The following TXN2 variants were observed in gnomAD, a reference collection of about 807,000 sequenced individuals.
TXN2 encodes the protein thioredoxin, mitochondrial.
TXN2 carries 12 observed loss-of-function variants against 14.6 expected under a neutral mutation model. That is an observed-to-expected ratio of 0.82 (90% confidence interval 0.53 to 1.33). The LOEUF (loss-of-function observed/expected upper bound fraction) is 1.33, where lower values mean the gene tolerates loss of function less well. Among genes scored for constraint, TXN2 ranks in the 40% most tolerant of loss-of-function variants. The pLI, the probability that TXN2 is intolerant of heterozygous loss-of-function variation, is 0.00. For synonymous variants in TXN2, 89 were observed against 81.0 expected, an observed-to-expected ratio of 1.10 and a Z score of -0.53; for missense variants, 173 against 207.7, an observed-to-expected ratio of 0.83 and a Z score of 1.03.
intron 3 of TXN2, among the ~76,000 whole-genome samples, chr22:36,473,380 T>C (rs1038500945): frequency 5.9e-5 from 9 of 151,890 alleles, no homozygotes; most frequent in Admixed American, 3.9e-4. Flanking sequence ...GAAGCGGAGG[T>C]TGCAGTGAAC....
intron 3 of TXN2, among the ~76,000 whole-genome samples, chr22:36,472,000 A>C (rs1933288738): frequency 6.6e-6 from 1 of 151,138 alleles, no homozygotes; most frequent in African/African-American, 2.4e-5. Context: ...CTGGGATCTG[A>C]AACAAGATCT....
intron 3 of TXN2, 99 bp from the exon 4 acceptor site, chr22:36,468,016 G>C (rs73169632): frequency 2.0e-6 from 2 of 1,020,256 alleles, no homozygotes; most frequent in Non-Finnish European, 3.0e-6. Context: ...GCTTATCCAG[G>C]GCACTGACTT....
chr22:36,479,286 G>A (rs1933449158), intron 2 of TXN2, among the ~76,000 whole-genome samples: 1 of 151,842 alleles, frequency 6.6e-6, no homozygotes, highest in Non-Finnish European at 1.5e-5. Context: ...GAAAGCCAGC[G>A]AAACAATCTG....
rs150850412 is a variant in TXN2 at position 36,476,771 on chromosome 22, C to A, written c.349G>T (p.Asp117Tyr). The A allele has an allele frequency of 6.2e-7, 1 of 1,614,186 alleles. No homozygotes were observed. ...QHGKVVMAKVDIDDHTDLAIE... is the reference protein window; with the variant it reads ...QHGKVVMAKVYIDDHTDLAIE... ...GCGAGGTCTGTGTGGTCATCAATAT[C>A]CACCTTGGCCATCACCACCTTCCCG... Residue 117 changes from aspartate to tyrosine, a missense_variant, in exon 3 of 4, where the codon GAT becomes TAT. Coordinates refer to ENST00000216185, the MANE Select transcript of TXN2 (RefSeq NM_012473.4).
rs1250102603 is a variant in TXN2, at chr22:36,467,306, G to A, written c.*498C>T. 1 of 158,952 alleles carries A rather than the reference G, an allele frequency of 6.3e-6. No homozygotes were observed. Among genetic ancestry groups the A allele is most frequent in the Non-Finnish European group, 1.4e-5 (1 of 71,922 alleles). The allele number at this position is 158,952 out of a possible 1,614,324, so 9.8% of individuals were successfully genotyped here. The stretch of plus-strand genomic sequence containing the variant: ...CTTCACAGTAGGAGGTGGAAGGGAT[G>A]ACTAAGTTCTTTATCACAGACCTAC... On this transcript the variant is annotated 3_prime_UTR_variant, in exon 4 of 4. Transcript: ENST00000216185.
chr22:36,467,449 T>G lies in TXN2; in HGVS notation c.*355A>C. On this transcript the variant is annotated 3_prime_UTR_variant, in exon 4 of 4. Transcript: ENST00000216185. ...GTGGCAGACGAGCCAGGCACGAGGT[T>G]TCAGATTGGAAGGGACCAAGATGAG... The G allele has an allele frequency of 9.2e-6, 2 of 218,294 alleles. No individual in the cohort carries two copies. Among genetic ancestry groups the G allele is most frequent in the Admixed American group, 5.2e-5 (1 of 19,074 alleles). 13.5% of individuals were successfully genotyped at this position (218,294 alleles called of 1,614,324 possible). A position where few individuals can be genotyped will look rare whatever the true frequency, so the allele number is the denominator to read the frequency against.
intron 3 of TXN2, among the ~76,000 whole-genome samples, chr22:36,475,492 C>A (rs1933367825): frequency 6.6e-6 from 1 of 152,200 alleles, no homozygotes; most frequent in Non-Finnish European, 1.5e-5. Context: ...AGTTCACAGG[C>A]CCAATACAGC....
Position 36,468,729 on chromosome 22 carries a change from A to T in TXN2, c.388-812T>A, listed in dbSNP as rs1293393316. The T allele has an allele frequency of 6.8e-6, 3 of 440,122 alleles. No homozygotes were observed. The Admixed American group carries it at 7.4e-5, about 11-fold the overall frequency. 27.3% of individuals were successfully genotyped at this position (440,122 alleles called of 1,614,324 possible). On this transcript the variant is annotated intron_variant, in intron 3 of 3. Transcript: ENST00000216185. ...GACAGAGACCCTGCCTCAAAAAAAA[A>T]GAGAAAGATTTGAGTATAAAGCAGA...
At chr22:36,471,663 AC>A (rs1180363304) in intron 3 of TXN2, among the ~76,000 whole-genome samples, 3 of 152,148 alleles carry the variant, frequency 2.0e-5, no homozygotes, top group Non-Finnish European at 4.4e-5. Context: ...AGGGTGAGCA[AC>A]TGTTCCAAAA....
chr22:36,467,975 C>T, intron 3 of TXN2, 58 bp from the exon 4 acceptor site: 3 of 1,447,434 alleles, frequency 2.1e-6, no homozygotes, highest in South Asian at 2.3e-5. Context: ...TCTCAACTGC[C>T]ACTCCTGAGC....
intron 3 of TXN2, among the ~76,000 whole-genome samples, chr22:36,475,162 G>A (rs951294084): frequency 1.3e-5 from 2 of 152,210 alleles, no homozygotes; most frequent in African/African-American, 2.4e-5. Context: ...TGGGTCACCC[G>A]AGGTCAGGAG....
intron 3 of TXN2, among the ~76,000 whole-genome samples, 192 bp downstream of exon 3, chr22:36,476,541 G>A (rs1029896724): frequency 6.6e-6 from 1 of 151,930 alleles, no homozygotes; most frequent in Admixed American, 6.6e-5. Context: ...GCAATGAGCC[G>A]AGATCATGCC....
intron 2 of TXN2, among the ~76,000 whole-genome samples, chr22:36,479,300 G>A (rs1039618495): frequency 2.0e-5 from 3 of 151,874 alleles, no homozygotes; most frequent in Non-Finnish European, 4.4e-5. Context: ...CAATCTGTCA[G>A]AGACCTGACC....
intron 3 of TXN2, among the ~76,000 whole-genome samples, chr22:36,469,667 C>A (rs1603487483): frequency 6.6e-6 from 1 of 152,158 alleles, no homozygotes; most frequent in East Asian, 1.9e-4. Context: ...TTAAACAGAA[C>A]AAGATAGGCC....
At chr22:36,477,633 A>G (rs1046432401) in intron 2 of TXN2, among the ~76,000 whole-genome samples, 1 of 152,150 alleles carries the variant, frequency 6.6e-6, no homozygotes, top group Non-Finnish European at 1.5e-5. Context: ...CACCATGTGG[A>G]CTCAGAACTA....
intron 3 of TXN2, among the ~76,000 whole-genome samples, chr22:36,473,440 C>T (rs545360765): frequency 5.9e-5 from 9 of 152,090 alleles, no homozygotes; most frequent in African/African-American, 2.2e-4. Flanking sequence ...GAGACTCCAT[C>T]TCAAAAAAGA....
At chr22:36,471,439 C>T (rs1050456340) in intron 3 of TXN2, among the ~76,000 whole-genome samples, 2 of 152,212 alleles carry the variant, frequency 1.3e-5, no homozygotes, top group African/African-American at 4.8e-5. Context: ...TCTGTTAACT[C>T]AGCTAAGGGC....
At chr22:36,477,499 C>G (rs564514955) in intron 2 of TXN2, among the ~76,000 whole-genome samples, 8 of 152,214 alleles carry the variant, frequency 5.3e-5, no homozygotes, top group African/African-American at 1.9e-4. Context: ...TGAGCCACCG[C>G]GCCCGGCCTG....
At chr22:36,478,599 C>T (rs1460692383) in intron 2 of TXN2, among the ~76,000 whole-genome samples, 1 of 152,194 alleles carries the variant, frequency 6.6e-6, no homozygotes, top group Non-Finnish European at 1.5e-5. Flanking sequence ...AAGCAATTCT[C>T]CTGCCTCAGC....
Sources: allele counts gnomAD v4.1 joint callset (sites outside exome capture counted in the v4.1 genomes callset), GRCh38; gene constraint gnomAD v4.1.1; transcripts MANE v1.5; gene names NCBI Gene and HGNC (gene_info 2026-07-23, HGNC 2026-07-21).